Variants in BAZ2B observed in about 807,000 individuals in gnomAD.
The protein encoded by BAZ2B is bromodomain adjacent to zinc finger domain protein 2B.
Under a neutral mutation model 246.0 loss-of-function variants are expected in BAZ2B, and 91 were observed. The observed-to-expected ratio is 0.37, with a 90% CI of 0.31 to 0.44. The LOEUF (loss-of-function observed/expected upper bound fraction) is 0.44, where lower values mean the gene tolerates loss of function less well. Ranked by LOEUF, BAZ2B falls within the 20% of genes least tolerant of loss-of-function variation. The pLI, the probability that BAZ2B is intolerant of heterozygous loss-of-function variation, is 1.00. For synonymous variants in BAZ2B, 855 were observed against 860.0 expected, an observed-to-expected ratio of 0.99 and a Z score of 0.10; for missense variants, 2,332 against 2,533.7, an observed-to-expected ratio of 0.92 and a Z score of 1.71.
intron 2 of BAZ2B, among the ~76,000 whole-genome samples, chr2:159,490,985 A>C (rs888514401): frequency 2.6e-5 from 4 of 152,122 alleles, no homozygotes; most frequent in African/African-American, 9.7e-5. Flanking sequence ...AACTTCCCCC[A>C]AAAACAGCTT....
At chr2:159,446,320 C>CTG (rs557702400) in intron 6 of BAZ2B, among the ~76,000 whole-genome samples, 182 of 152,294 alleles carry the variant, frequency 1.2e-3, no homozygotes, top group Middle Eastern at 6.8e-3. Flanking sequence ...GATGCGACAA[C>CTG]TGTTGAAGCT....
chr2:159,573,726 A>T (rs1684567291), intron 1 of BAZ2B, among the ~76,000 whole-genome samples: 1 of 152,206 alleles, frequency 6.6e-6, no homozygotes, highest in Non-Finnish European at 1.5e-5. Context: ...GAATGGAAGA[A>T]AATATTTGTA....
chr2:159,464,930 C>T (rs1203516289), intron 3 of BAZ2B, among the ~76,000 whole-genome samples: 1 of 152,182 alleles, frequency 6.6e-6, no homozygotes, highest in East Asian at 1.9e-4. Context: ...TCTTGTTCTA[C>T]TTATGTTTCA....
intron 27 of BAZ2B, among the ~76,000 whole-genome samples, chr2:159,350,993 C>T (rs1018329456): frequency 6.6e-6 from 1 of 152,088 alleles, no homozygotes; most frequent in Non-Finnish European, 1.5e-5. Flanking sequence ...ACCAGCATGG[C>T]ACATGTATAC....
At chr2:159,333,333 G>A (rs1383348804) in intron 33 of BAZ2B, among the ~76,000 whole-genome samples, 2 of 152,104 alleles carry the variant, frequency 1.3e-5, no homozygotes, top group African/African-American at 4.8e-5. Context: ...TACAATACAT[G>A]TAAGAAGTTA....
At chr2:159,473,649 T>A (rs1051788394) in intron 3 of BAZ2B, among the ~76,000 whole-genome samples, 1 of 152,226 alleles carries the variant, frequency 6.6e-6, no homozygotes, top group Non-Finnish European at 1.5e-5. Flanking sequence ...TTAATTGCGA[T>A]GTTAGGGTGT....
chr2:159,372,184 T>C (rs936324005), intron 27 of BAZ2B, among the ~76,000 whole-genome samples: 6 of 152,216 alleles, frequency 3.9e-5, no homozygotes, highest in African/African-American at 1.4e-4. Context: ...CAGCTTTGTG[T>C]CTCCTACAGT....
At chr2:159,462,097 CT>C (rs1400662590) in intron 3 of BAZ2B, 3 of 252,074 alleles carry the variant, frequency 1.2e-5, no homozygotes, top group Non-Finnish European at 2.3e-5. Context: ...GGCTAGGAAA[CT>C]TTTTTAAACA....
chr2:159,484,243 A>C (rs1221116897), intron 2 of BAZ2B, among the ~76,000 whole-genome samples: 1 of 152,230 alleles, frequency 6.6e-6, no homozygotes, highest in East Asian at 1.9e-4. Context: ...TTGAAATTCA[A>C]CTAGCTAAAA....
intron 1 of BAZ2B, among the ~76,000 whole-genome samples, chr2:159,605,729 TTAATAA>T (rs1331353542): frequency 6.6e-6 from 1 of 152,006 alleles, no homozygotes; most frequent in African/African-American, 2.4e-5. Context: ...CTCTAAAAAA[TTAATAA>T]TAATAAAAAT....
chr2:159,682,904 A>ACCCCCCCCCCCCCCC, the BAZ2B span, among the ~76,000 whole-genome samples: 1 of 95,344 alleles, frequency 1.0e-5, no homozygotes, highest in African/African-American at 3.5e-5. Context: ...ATAAACTGCC[A>ACCCCCCCCCCCCCCC]CCCCTCCCCC....
At chr2:159,559,379 G>C (rs552339323) in intron 1 of BAZ2B, among the ~76,000 whole-genome samples, 3 of 152,186 alleles carry the variant, frequency 2.0e-5, no homozygotes, top group African/African-American at 7.2e-5. Flanking sequence ...GATGGTAACA[G>C]AGTCAATACA....
chr2:159,702,115 G>A, the BAZ2B span, among the ~76,000 whole-genome samples: 1 of 152,106 alleles, frequency 6.6e-6, no homozygotes, highest in Non-Finnish European at 1.5e-5. Context: ...TTCTGACAAA[G>A]ATTAAATTCT....
chr2:159,555,578 T>G (rs1431541688), intron 2 of BAZ2B: 2 of 152,202 alleles, frequency 1.3e-5, no homozygotes, highest in African/African-American at 4.8e-5. Flanking sequence ...TATTTAGGCC[T>G]GTAATTTCAG....
At chr2:159,374,148 G>A (rs1251263495) in intron 26 of BAZ2B, among the ~76,000 whole-genome samples, 3 of 146,676 alleles carry the variant, frequency 2.0e-5, no homozygotes, top group Non-Finnish European at 4.5e-5. Context: ...GGGCTCAAAC[G>A]ATCCTCTCAC....
chr2:159,574,476 A>G (rs1040599803), intron 1 of BAZ2B, among the ~76,000 whole-genome samples: 1 of 152,178 alleles, frequency 6.6e-6, no homozygotes, highest in Non-Finnish European at 1.5e-5. Flanking sequence ...CAGTTTCTCA[A>G]TAAGTTAAAC....
At chr2:159,429,357 T>C (rs2070648431) in intron 10 of BAZ2B, 97 bp from the exon 11 acceptor site, 2 of 671,406 alleles carry the variant, frequency 3.0e-6, no homozygotes, top group Non-Finnish European at 4.6e-6. Flanking sequence ...TATATGTTAA[T>C]AACTTGGATT....
chr2:159,365,854 G>C (rs932532838), intron 27 of BAZ2B, among the ~76,000 whole-genome samples: 2 of 152,202 alleles, frequency 1.3e-5, no homozygotes, highest in African/African-American at 4.8e-5. Flanking sequence ...CAAAAAAAGT[G>C]AAAGTGTGGT....
At chr2:159,346,356 C>G (rs1038025586) in intron 31 of BAZ2B, among the ~76,000 whole-genome samples, 1 of 152,124 alleles carries the variant, frequency 6.6e-6, no homozygotes, top group Non-Finnish European at 1.5e-5. Flanking sequence ...CTGAATAAAG[C>G]AAGGCATTTC....
Sources: gnomAD v4.1 joint callset for allele counts (sites outside exome capture counted in the v4.1 genomes callset) on GRCh38, gnomAD v4.1.1 for gene constraint, MANE v1.5 for transcripts, NCBI Gene and HGNC (gene_info 2026-07-23, HGNC 2026-07-21) for gene names.